Variants in LRRFIP1 observed in about 807,000 individuals in gnomAD.
The protein encoded by LRRFIP1 is leucine-rich repeat flightless-interacting protein 1.
A neutral mutation model predicts 104.4 loss-of-function variants in LRRFIP1; 62 were observed. The observed-to-expected ratio is 0.59, with a 90% CI of 0.48 to 0.73. LRRFIP1 has a LOEUF of 0.73. Among genes scored for constraint, LRRFIP1 ranks in the 30% least tolerant of loss-of-function variants. LRRFIP1 has a pLI of 0.00. For synonymous variants in LRRFIP1, 300 were observed against 299.0 expected, an observed-to-expected ratio of 1.00 and a Z score of -0.03; for missense variants, 796 against 824.5, an observed-to-expected ratio of 0.97 and a Z score of 0.42.
At chr2:237,686,161 G>A (rs746832793) in intron 1 of LRRFIP1, among the ~76,000 whole-genome samples, 12 of 152,084 alleles carry the variant, frequency 7.9e-5, no homozygotes, top group Non-Finnish European at 8.8e-5. Context: ...TTAACTAATC[G>A]GTAGTGTGTG....
rs1343259662 is a variant in LRRFIP1 at position 237,758,731 on chromosome 2, A to G, written c.1227A>G (p.Ala409=). ...TIEWKDKKIG[A]LERQKEFFDS... is the part of the protein sequence containing the mutation. ...TCTTGGCTCTGCTGCACACTCAGGC[A>G]TTAGAGAGGCAGAAAGAGTTCTTTG... The change falls in exon 18 of 24, where the codon GCA becomes GCG. Residue 409 remains alanine (A), a splice_region_variant and synonymous_variant. Coordinates refer to ENST00000308482, the MANE Select transcript of LRRFIP1 (RefSeq NM_001137550.2). 8 of 1,609,984 alleles carry G rather than the reference A, an allele frequency of 5.0e-6. No homozygotes were observed. Among genetic ancestry groups the G allele is most frequent in the Admixed American group, 3.4e-5 (2 of 59,700 alleles).
chr2:237,773,079 A>C, intron 22 of LRRFIP1, 134 bp downstream of exon 22: 1 of 662,734 alleles, frequency 1.5e-6, no homozygotes, highest in Non-Finnish European at 2.6e-6. Flanking sequence ...GGATAAGTTA[A>C]GACAGCAAGT....
chr2:237,663,422 G>A (rs1388408507), intron 1 of LRRFIP1, among the ~76,000 whole-genome samples: 1 of 52,526 alleles, frequency 1.9e-5, no homozygotes, highest in African/African-American at 4.5e-5. Flanking sequence ...AACCCGGGGA[G>A]TTCTTTCCCC....
At chr2:237,640,731 G>A (rs149792915) in intron 1 of LRRFIP1, among the ~76,000 whole-genome samples, 5 of 152,144 alleles carry the variant, frequency 3.3e-5, no homozygotes, top group South Asian at 2.1e-4. Flanking sequence ...CTGGGCCTCC[G>A]CAGCTCTCTG....
Position 237,714,277 on chromosome 2 carries a change from G to A in LRRFIP1, c.201+1G>A. The A allele has an allele frequency of 6.3e-7, 1 of 1,599,474 alleles. No individual in the cohort carries two copies. Among genetic ancestry groups the A allele is most frequent in the Non-Finnish European group, 8.5e-7 (1 of 1,170,262 alleles). ...TCTATAGATCTATCAGGTCCAAAAG[G>A]TAGGCTCTTCTTTCTTTATTTTCTA... is the stretch of plus-strand genomic sequence containing the variant. On this transcript the variant is annotated splice_donor_variant, in intron 3 of 23. Transcript: ENST00000308482. LOFTEE classifies it high-confidence loss of function.
At chr2:237,647,954 G>C (rs942706421) in intron 1 of LRRFIP1, among the ~76,000 whole-genome samples, 1 of 152,090 alleles carries the variant, frequency 6.6e-6, no homozygotes, top group African/African-American at 2.4e-5. Context: ...CCACATCTGC[G>C]TGTGAATTTT....
intron 1 of LRRFIP1, among the ~76,000 whole-genome samples, chr2:237,666,759 T>TTC (rs1036381463): frequency 9.1e-5 from 10 of 109,820 alleles, no homozygotes; most frequent in African/African-American, 1.5e-4. Flanking sequence ...TTCTTTCTCT[T>TTC]TCTTTCTCTC....
chr2:237,717,846 TCC>T lies in LRRFIP1; in HGVS notation c.249+40_249+41del. ...ATATAATTTTGTTTTTACTCTTCCC[TCC>T]CCACTTGAATACAGTGTTGAGACTT... On this transcript the variant is annotated intron_variant, in intron 4 of 23. Transcript: ENST00000308482. The surrounding 1 kb of genome is among the most constrained non-coding windows in gnomAD (Gnocchi z 4.2). 6.7e-7 allele frequency: 1 copy of T among 1,491,584 alleles called. No homozygotes were observed. The highest frequency in any genetic ancestry group is 9.4e-7 in the Non-Finnish European group (1 of 1,068,408). 92.4% of individuals were successfully genotyped at this position (1,491,584 alleles called of 1,614,324 possible).
At chr2:237,701,644 G>A (rs1247251159) in intron 1 of LRRFIP1, among the ~76,000 whole-genome samples, 2 of 152,148 alleles carry the variant, frequency 1.3e-5, no homozygotes, top group African/African-American at 4.8e-5. Context: ...CTGGGGCTCT[G>A]AGCGGGAGGC....
At chr2:237,681,038 T>C (rs77446125) in intron 1 of LRRFIP1, among the ~76,000 whole-genome samples, 2,778 of 152,252 alleles carry the variant, frequency 0.018, 76 homozygotes, top group African/African-American at 0.061. Context: ...TGAGTTAATC[T>C]GGAAGAATAA....
intron 8 of LRRFIP1, among the ~76,000 whole-genome samples, chr2:237,732,190 C>T (rs2095041365): frequency 6.6e-6 from 1 of 152,160 alleles, no homozygotes. Context: ...TCGTTCTCTC[C>T]CTCCCCCGTG....
intron 5 of LRRFIP1, 141 bp downstream of exon 5, chr2:237,719,708 T>TATC: frequency 5.3e-6 from 3 of 562,376 alleles, no homozygotes; most frequent in Non-Finnish European, 9.2e-6. Flanking sequence ...CTATTAATGA[T>TATC]AGAATACTGA....
In LRRFIP1 at chr2:237,703,025, G is replaced by A. The variant is rs1394572211; in HGVS notation, c.97-5519G>A. Among the ~76,000 whole-genome samples the A allele has an allele frequency of 6.6e-6, 1 of 152,164 alleles. No homozygotes were observed. Among genetic ancestry groups the A allele is most frequent in the African/African-American group, 2.4e-5 (1 of 41,430 alleles). On this transcript the variant is annotated intron_variant, in intron 1 of 23. Transcript: ENST00000308482. The surrounding 1 kb of genome is among the most constrained non-coding windows in gnomAD (Gnocchi z 4.3). ...TCAGGGTGTAGGACCCCAGGAGCAG[G>A]CAAGGGCTTGCTCTTTCCCTGTTGG...
chr2:237,762,288 T>G (rs1050557838), intron 19 of LRRFIP1, among the ~76,000 whole-genome samples: 10 of 152,214 alleles, frequency 6.6e-5, no homozygotes, highest in Admixed American at 5.2e-4. Flanking sequence ...TGTGGATTGT[T>G]TGGCTGCCTG....
At chr2:237,684,082 A>C (rs948697270) in intron 1 of LRRFIP1, 1 of 152,216 alleles carries the variant, frequency 6.6e-6, no homozygotes, top group Admixed American at 6.5e-5. Flanking sequence ...CTAGAATGTT[A>C]AACTCATAGG....
At chr2:237,747,067 G>A (rs1277962905) in intron 11 of LRRFIP1, among the ~76,000 whole-genome samples, 4 of 152,220 alleles carry the variant, frequency 2.6e-5, no homozygotes, top group Admixed American at 6.5e-5. Flanking sequence ...GTGGCTGGGC[G>A]AGACCATCTG....
rs1436982481 is a variant in LRRFIP1 at position 237,760,068 on chromosome 2, A to T, written c.1322A>T (p.His441Leu). The T allele has an allele frequency of 6.2e-7, 1 of 1,613,632 alleles. No individual in the cohort carries two copies. The highest frequency in any genetic ancestry group is 8.5e-7 in the Non-Finnish European group (1 of 1,179,566). ...VVMLKEELKK[H>L]GIILNSEIAT... ...TGAGCCTATTTTTGTTCCCAGAAAC[A>T]TGGAATAATCCTAAATTCAGAAATA... is the stretch of plus-strand genomic sequence containing the variant. Residue 441 changes from histidine (H) to leucine (L), a missense_variant, in exon 19 of 24, where the codon CAT becomes CTT. Physicochemically the swap from His to Leu is moderately conservative, Grantham distance 99. Transcript: ENST00000308482.
At chr2:237,772,409 C>T (rs1228794803) in intron 21 of LRRFIP1, 2 of 511,994 alleles carry the variant, frequency 3.9e-6, no homozygotes, top group South Asian at 2.9e-5. Flanking sequence ...TACCCAAAAA[C>T]GTGCACCAAG....
chr2:237,667,923 C>T (rs1339746400), intron 1 of LRRFIP1, among the ~76,000 whole-genome samples: 8 of 152,042 alleles, frequency 5.3e-5, no homozygotes, highest in Admixed American at 5.2e-4. Context: ...GCGCCTTTCT[C>T]CTATGCCAAT....
Sources: gnomAD v4.1 joint callset for allele counts (sites outside exome capture counted in the v4.1 genomes callset) on GRCh38, gnomAD v4.1.1 for gene constraint, Gnocchi (gnomAD v3.1) non-coding constraint, MANE v1.5 for transcripts, NCBI Gene and HGNC (gene_info 2026-07-23, HGNC 2026-07-21) for gene names.